The following CLVS1 variants were observed in gnomAD, a reference collection of about 807,000 sequenced individuals.
CLVS1 encodes the protein clavesin 1, also known as clavesin-1.
A neutral mutation model predicts 33.1 loss-of-function variants in CLVS1; 10 were observed. The observed-to-expected ratio is 0.30, with a 90% confidence interval of 0.19 to 0.51. The LOEUF (loss-of-function observed/expected upper bound fraction) is 0.51, where lower values mean the gene tolerates loss of function less well. Ranked by LOEUF, CLVS1 falls within the 20% of genes least tolerant of loss-of-function variation. The probability of loss-of-function intolerance (pLI) is 0.97; values close to 1 mark genes in which losing one functional copy is unlikely to be tolerated. For missense variants in CLVS1, 343 were observed against 433.4 expected (o/e 0.79, Z 1.85); for synonymous variants, 163 against 166.1 (o/e 0.98, Z 0.14).
chr8:61,168,664 G>C (rs6985539), intron 2 of CLVS1, among the ~76,000 whole-genome samples: 115,728 of 152,106 alleles, frequency 0.76, 45,131 homozygotes, highest in Middle Eastern at 0.93. Context: ...TCTCTCACTC[G>C]GCTGACTTGG....
chr8:61,093,537 A>G (rs1023508927), intron 1 of CLVS1, among the ~76,000 whole-genome samples: 1 of 152,220 alleles, frequency 6.6e-6, no homozygotes, highest in Non-Finnish European at 1.5e-5. Context: ...AATTTACAGC[A>G]AATGGGATTC....
chr8:61,379,649 C>A (rs1465737208), intron 3 of CLVS1, among the ~76,000 whole-genome samples: 1 of 152,140 alleles, frequency 6.6e-6, no homozygotes, highest in African/African-American at 2.4e-5. Flanking sequence ...CTAATTGTTA[C>A]ACTTTGAGTT....
Position 61,466,506 on chromosome 8 carries a change from G to A in CLVS1, c.977+7964G>A, listed in dbSNP as rs1036763051. 2.6e-5 allele frequency among the ~76,000 whole-genome samples: 4 copies of A among 152,138 alleles called. No homozygotes were observed. The South Asian group carries it at 8.3e-4, about 32-fold the overall frequency. ...TCAGGGGTGTAGGCCGGAAATTTCT[G>A]CCAGGAAATTTCTGCATTATTTTTT... On this transcript the variant is annotated intron_variant, in intron 5 of 5. Transcript: ENST00000325897.
intron 3 of CLVS1, among the ~76,000 whole-genome samples, chr8:61,378,829 C>T (rs553806085): frequency 1.1e-4 from 17 of 152,304 alleles, no homozygotes; most frequent in African/African-American, 3.1e-4. Context: ...GGTCAATCTA[C>T]CACTGGCTCT....
At chr8:61,455,546 T>C (rs1265660399) in intron 4 of CLVS1, among the ~76,000 whole-genome samples, 1 of 152,220 alleles carries the variant, frequency 6.6e-6, no homozygotes, top group East Asian at 1.9e-4. Flanking sequence ...ATTTCATTCT[T>C]CTTTAAGACT....
chr8:61,306,663 C>A (rs919831953), intron 2 of CLVS1, among the ~76,000 whole-genome samples: 1 of 151,970 alleles, frequency 6.6e-6, no homozygotes, highest in Non-Finnish European at 1.5e-5. Flanking sequence ...GGCTATATAC[C>A]CAGTAGTGAA....
At chr8:61,491,223 T>A (rs148800939) in intron 5 of CLVS1, among the ~76,000 whole-genome samples, 10 of 152,312 alleles carry the variant, frequency 6.6e-5, no homozygotes, top group African/African-American at 2.2e-4. Context: ...TGTAGTCCAG[T>A]CTAGTAGTAT....
intron 2 of CLVS1, among the ~76,000 whole-genome samples, chr8:61,248,916 G>A (rs1347470892): frequency 6.6e-6 from 1 of 151,902 alleles, no homozygotes; most frequent in Non-Finnish European, 1.5e-5. Flanking sequence ...TATATGAAAT[G>A]CACTTCTTTT....
At chr8:61,192,107 C>T (rs1405385551) in intron 2 of CLVS1, among the ~76,000 whole-genome samples, 5 of 152,118 alleles carry the variant, frequency 3.3e-5, no homozygotes, top group African/African-American at 7.2e-5. Context: ...GGAGGCATCA[C>T]GCTACCTGAC....
intron 2 of CLVS1, among the ~76,000 whole-genome samples, chr8:61,372,128 A>G (rs1813463882): frequency 6.6e-6 from 1 of 152,214 alleles, no homozygotes; most frequent in Non-Finnish European, 1.5e-5. Context: ...GTTCATTTTG[A>G]TACAAGTGCT....
chr8:61,482,990 G>A (rs987926214), intron 5 of CLVS1, among the ~76,000 whole-genome samples: 2 of 152,178 alleles, frequency 1.3e-5, no homozygotes, highest in Non-Finnish European at 1.5e-5. Context: ...GAGAAAGCAG[G>A]AAAGATCTAA....
At chr8:61,035,015 G>A in the CLVS1 span, among the ~76,000 whole-genome samples, 2 of 152,040 alleles carry the variant, frequency 1.3e-5, no homozygotes, top group Non-Finnish European at 2.9e-5. Context: ...GAAAAACATT[G>A]AGTATATTAC....
chr8:61,081,579 T>C (rs1414745766), intron 1 of CLVS1, among the ~76,000 whole-genome samples: 1 of 152,126 alleles, frequency 6.6e-6, no homozygotes. Flanking sequence ...AAAAATAAAA[T>C]AAATTGTATC....
At chr8:61,416,045 A>T (rs182344171) in intron 3 of CLVS1, among the ~76,000 whole-genome samples, 1 of 152,322 alleles carries the variant, frequency 6.6e-6, no homozygotes, top group Admixed American at 6.5e-5. Context: ...GGGGGTTCCC[A>T]GACAACACTT....
chr8:61,042,364 C>T, the CLVS1 span, among the ~76,000 whole-genome samples: 29,704 of 152,114 alleles, frequency 0.2, 3,954 homozygotes, highest in African/African-American at 0.38. Flanking sequence ...CAGCCTGTGA[C>T]GTTAAGAGGA....
intron 5 of CLVS1, among the ~76,000 whole-genome samples, chr8:61,495,109 A>T (rs1281638603): frequency 6.6e-6 from 1 of 152,174 alleles, no homozygotes; most frequent in African/African-American, 2.4e-5. Flanking sequence ...TGTAGATCCC[A>T]ATTTGACTCA....
intron 3 of CLVS1, among the ~76,000 whole-genome samples, chr8:61,450,452 G>A (rs1019972951): frequency 6.6e-6 from 1 of 152,110 alleles, no homozygotes; most frequent in Non-Finnish European, 1.5e-5. Flanking sequence ...GATGTGAGTA[G>A]AACTGGTTAG....
intron 1 of CLVS1, among the ~76,000 whole-genome samples, chr8:61,113,450 G>T (rs1306530036): frequency 6.6e-6 from 1 of 152,180 alleles, no homozygotes; most frequent in African/African-American, 2.4e-5. Flanking sequence ...CTTTTGAGGT[G>T]TGTGGTGGTG....
Position 61,376,759 on chromosome 8 carries a change from C to T in CLVS1, c.610C>T (p.Leu204=), listed in dbSNP as rs767495653. ...CAAACTGACACCTTCAATCCTTAAA[C>T]TGGCCATTGAAGGGTTGCAGGTATG... ...ASKLTPSILK[L]AIEGLQDSFP... The change falls in exon 3 of 6, where the codon CTG becomes TTG. Residue 204 remains leucine (L), a synonymous_variant. Transcript: ENST00000325897. 6 of 1,613,944 alleles carry T rather than the reference C, an allele frequency of 3.7e-6. No individual in the cohort carries two copies.
Sources: gnomAD v4.1 joint callset for allele counts (sites outside exome capture counted in the v4.1 genomes callset) on GRCh38, gnomAD v4.1.1 for gene constraint, MANE v1.5 for transcripts, NCBI Gene and HGNC (gene_info 2026-07-23, HGNC 2026-07-21) for gene names.